Variants in RIC1 observed in about 807,000 individuals in gnomAD.
RIC1 encodes guanine nucleotide exchange factor subunit RIC1.
RIC1 carries 88 observed loss-of-function variants against 169.0 expected under a neutral mutation model. The ratio of observed to expected loss-of-function variants is 0.52; its 90% CI spans 0.44 to 0.62. The LOEUF is 0.62. Among genes scored for constraint, RIC1 ranks in the 20% least tolerant of loss-of-function variants. The pLI, the probability that RIC1 is intolerant of heterozygous loss-of-function variation, is 0.00. For synonymous variants in RIC1, 790 were observed against 601.5 expected, an observed-to-expected ratio of 1.31 and a Z score of -4.59; for missense variants, 1,877 against 1,725.5, an observed-to-expected ratio of 1.09 and a Z score of -1.56.
At chr9:5,695,460 T>A (rs1460997467) in intron 3 of RIC1, among the ~76,000 whole-genome samples, 1 of 152,180 alleles carries the variant, frequency 6.6e-6, no homozygotes, top group Non-Finnish European at 1.5e-5. Context: ...CCAGTCTATA[T>A]CCAGTCTAGT....
intron 8 of RIC1, 24 bp downstream of exon 8, chr9:5,738,562 T>A (rs751076818): frequency 2.1e-5 from 29 of 1,397,868 alleles, no homozygotes; most frequent in Middle Eastern, 2.3e-4. Flanking sequence ...TTTTTTTTTT[T>A]TTTTAACATT....
At chr9:5,777,463 T>C (rs1827654339), downstream of RIC1, among the ~76,000 whole-genome samples, 1 of 152,020 alleles carries the variant, frequency 6.6e-6, no homozygotes, top group Admixed American at 6.5e-5. Flanking sequence ...AGACTGAGTG[T>C]TGTCAGCATG....
In RIC1 at chr9:5,775,047, T is replaced by A. The variant is rs1014570552; in HGVS notation, c.*801T>A. 6.6e-6 allele frequency: 1 copy of A among 152,246 alleles called. No individual in the cohort carries two copies. Among genetic ancestry groups the A allele is most frequent in the Non-Finnish European group, 1.5e-5 (1 of 68,044 alleles). 9.4% of individuals were successfully genotyped at this position (152,246 alleles called of 1,614,324 possible). A position where few individuals can be genotyped will look rare whatever the true frequency, so the allele number is the denominator to read the frequency against. ...ATTATAATTTGCAAGGTTTTAATGC[T>A]GGATTCTGCATGTCTACACATACAA... On this transcript the variant is annotated 3_prime_UTR_variant, in exon 26 of 26. Transcript: ENST00000414202.
Position 5,629,235 on chromosome 9 carries a change from G to A in RIC1, c.-75G>A. On this transcript the variant is annotated 5_prime_UTR_variant, in exon 1 of 26. Transcript: ENST00000414202. ...CCGCCGACTCGGCCGGTGGCGGTGT[G>A]GGAGGTGGGCGACCAGCCCGGGGCC... is the stretch of plus-strand genomic sequence containing the variant. 7.8e-7 allele frequency: 1 copy of A among 1,281,818 alleles called. No individual in the cohort carries two copies. Among genetic ancestry groups the A allele is most frequent in the African/African-American group, 1.5e-5 (1 of 64,690 alleles). The allele number at this position is 1,281,818 out of a possible 1,614,324, so 79.4% of individuals were successfully genotyped here. A position where few individuals can be genotyped will look rare whatever the true frequency, so the allele number is the denominator to read the frequency against.
rs148087732 is a variant in RIC1, at chr9:5,663,965, T to G, written c.252+7275T>G. 3.8e-3 allele frequency among the ~76,000 whole-genome samples: 584 copies of G among 152,314 alleles called. 1 individual carries two copies. Among genetic ancestry groups the G allele is most frequent in the African/African-American group, 0.013 (558 of 41,570 alleles). ...AATGGTTTTTCCTTTCCATATTTAG[T>G]GCTTCCTTCAGGAGCTCTTGCAAAG... On this transcript the variant is annotated intron_variant, in intron 2 of 25. Transcript: ENST00000414202.
chr9:5,762,388 T>C (rs1272048352), intron 17 of RIC1, among the ~76,000 whole-genome samples, 153 bp from the exon 18 acceptor site: 1 of 152,236 alleles, frequency 6.6e-6, no homozygotes, highest in Admixed American at 6.5e-5. Context: ...AAGCTCCTTA[T>C]ATTCCCACAG....
rs7850299 is a variant in RIC1 at position 5,732,483 on chromosome 9, T to G, written c.812+4T>G. On this transcript the variant is annotated splice_donor_region_variant and intron_variant, in intron 7 of 25. Coordinates refer to ENST00000414202, the MANE Select transcript of RIC1 (RefSeq NM_020829.4). ...TAATGGCATTTGGCTGTGTGAGGTATAATTGATGTAGGCTTTTGCATTTTT... is the reference window on the plus strand; with the variant it reads ...TAATGGCATTTGGCTGTGTGAGGTAGAATTGATGTAGGCTTTTGCATTTTT... 6 of 1,592,030 alleles carry G rather than the reference T, an allele frequency of 3.8e-6. No homozygotes were observed. The highest frequency in any genetic ancestry group is 4.3e-6 in the Non-Finnish European group (5 of 1,166,870).
Position 5,689,298 on chromosome 9 carries a change from G to A in RIC1, c.253-661G>A, listed in dbSNP as rs537540853. Among the ~76,000 whole-genome samples, 50 of 151,992 alleles carry A rather than the reference G, an allele frequency of 3.3e-4. 1 individual carries two copies. Among genetic ancestry groups the A allele is most frequent in the African/African-American group, 1.0e-3 (43 of 41,480 alleles). Reference sequence around the variant, plus strand: ...GATCTCCTGACCTCGTGATCTGCCCGCCTTGGCCTCCCAAAATACTGGGAT... The same window carrying A: ...GATCTCCTGACCTCGTGATCTGCCCACCTTGGCCTCCCAAAATACTGGGAT... On this transcript the variant is annotated intron_variant, in intron 2 of 25. Transcript: ENST00000414202.
chr9:5,749,752 G>T (rs144476366), intron 12 of RIC1, among the ~76,000 whole-genome samples: 2 of 137,878 alleles, frequency 1.5e-5, no homozygotes, highest in South Asian at 2.5e-4. Context: ...GTAACTGGCA[G>T]TAAAGGCGGT....
intron 1 of RIC1, among the ~76,000 whole-genome samples, chr9:5,651,381 G>A (rs1198436150): frequency 6.6e-6 from 1 of 151,754 alleles, no homozygotes; most frequent in Non-Finnish European, 1.5e-5. Context: ...AAGGAGGCAA[G>A]GGCTGATGTC....
intron 1 of RIC1, among the ~76,000 whole-genome samples, chr9:5,630,337 TC>T (rs35323830): frequency 3.3e-5 from 5 of 152,240 alleles, no homozygotes; most frequent in African/African-American, 1.2e-4. Flanking sequence ...ATGCTTTTTT[TC>T]CTCCCCAAAG....
At chr9:5,719,436 G>C (rs1823457519) in intron 4 of RIC1, 2 of 152,224 alleles carry the variant, frequency 1.3e-5, no homozygotes, top group African/African-American at 4.8e-5. Context: ...TCTTGCCTGA[G>C]AAGTCCTCTG....
At chr9:5,737,293 A>G (rs879446732) in intron 7 of RIC1, among the ~76,000 whole-genome samples, 21 of 145,648 alleles carry the variant, frequency 1.4e-4, no homozygotes, top group Admixed American at 1.4e-3. Flanking sequence ...TGACCCTTGT[A>G]AAGATGTTTT....
Position 5,726,360 on chromosome 9 carries a change from A to G in RIC1, c.720+5610A>G, listed in dbSNP as rs191482233. 9.6e-3 allele frequency among the ~76,000 whole-genome samples: 1,461 copies of G among 152,262 alleles called. 33 individuals carry two copies. Among genetic ancestry groups the G allele is most frequent in the African/African-American group, 0.034 (1,399 of 41,534 alleles). On this transcript the variant is annotated intron_variant, in intron 6 of 25. Transcript: ENST00000414202. ...GTTGGTTTAAAGTCTGTTTTATCAG[A>G]TACTAGGATTGCAACCCCTGCTTTT...
At chr9:5,744,945 C>T (rs1825292840) in intron 10 of RIC1, among the ~76,000 whole-genome samples, 2 of 152,126 alleles carry the variant, frequency 1.3e-5, no homozygotes, top group Non-Finnish European at 2.9e-5. Flanking sequence ...AGACATTCTT[C>T]TGATCTTGAG....
At chr9:5,757,712 C>G (rs1826088959) in intron 17 of RIC1, among the ~76,000 whole-genome samples, 1 of 152,130 alleles carries the variant, frequency 6.6e-6, no homozygotes, top group Admixed American at 6.5e-5. Context: ...TAACAAAAAC[C>G]TGTTATAGTC....
intron 12 of RIC1, 142 bp downstream of exon 12, chr9:5,747,647 T>C: frequency 1.4e-6 from 1 of 725,052 alleles, no homozygotes. Context: ...TCTGCTTTTC[T>C]GTGTTCTTGT....
intron 3 of RIC1, among the ~76,000 whole-genome samples, chr9:5,706,285 G>A (rs1372954942): frequency 2.0e-5 from 3 of 151,974 alleles, no homozygotes; most frequent in Non-Finnish European, 4.4e-5. Context: ...TGGTGAAACT[G>A]CATCTAAAAT....
intron 2 of RIC1, among the ~76,000 whole-genome samples, chr9:5,684,987 C>T (rs1415977946): frequency 6.6e-6 from 1 of 151,480 alleles, no homozygotes; most frequent in Non-Finnish European, 1.5e-5. Context: ...TGTTAAACCC[C>T]AACCCTGCAT....
Sources: gnomAD v4.1 joint callset for allele counts (sites outside exome capture counted in the v4.1 genomes callset) on GRCh38, gnomAD v4.1.1 for gene constraint, MANE v1.5 for transcripts, NCBI Gene and HGNC (gene_info 2026-07-23, HGNC 2026-07-21) for gene names.